TUT4: variants seen among roughly 807,000 people sequenced by gnomAD.
TUT4 encodes terminal uridylyl transferase 4.
TUT4 carries 36 observed loss-of-function variants against 192.2 expected under a neutral mutation model. That is an observed-to-expected ratio of 0.19 (90% CI 0.14 to 0.25). The LOEUF (loss-of-function observed/expected upper bound fraction) is 0.25, where lower values mean the gene tolerates loss of function less well. TUT4 is among the 10% of genes least tolerant of loss of function. TUT4 has a pLI of 1.00. For synonymous variants in TUT4, 618 were observed against 666.0 expected (o/e 0.93, Z 1.11); for missense variants, 1,493 against 1,957.2 (o/e 0.76, Z 4.47).
intron 16 of TUT4, among the ~76,000 whole-genome samples, chr1:52,463,992 G>A (rs1161775314): frequency 6.6e-6 from 1 of 152,130 alleles, no homozygotes; most frequent in Admixed American, 6.6e-5. Context: ...GAAAGAGCAT[G>A]AACTCTGGAG....
chr1:52,423,987 C>A lies in TUT4; in HGVS notation c.4886G>T (p.Arg1629Leu). Residue 1629 changes from arginine (R) to leucine (L), a missense_variant, in exon 30 of 30, where the codon CGT (arginine) becomes CTT (leucine). Coordinates refer to ENST00000257177, the MANE Select transcript of TUT4 (RefSeq NM_001009881.3). ...GTGGGGACAACGCTCTCTACACCGA[C>A]GGGTGGCACATCTGTCTGTTGGATA... ...PFYTQDRCAT[R>L]RCRERCPHPP... 2 of 1,612,126 alleles carry A rather than the reference C, an allele frequency of 1.2e-6. No homozygotes were observed. Among genetic ancestry groups the A allele is most frequent in the Non-Finnish European group, 1.7e-6 (2 of 1,179,170 alleles).
At chr1:52,516,403 T>C (rs1678726588) in intron 2 of TUT4, among the ~76,000 whole-genome samples, 1 of 152,212 alleles carries the variant, frequency 6.6e-6, no homozygotes, top group Non-Finnish European at 1.5e-5. Flanking sequence ...AAAAACTGTT[T>C]GGAGTCCCAC....
At chr1:52,430,379 T>C (rs901976284) in intron 28 of TUT4, among the ~76,000 whole-genome samples, 1 of 151,946 alleles carries the variant, frequency 6.6e-6, no homozygotes, top group African/African-American at 2.4e-5. Context: ...ACCTCCTGGG[T>C]TCAAGCGAGC....
chr1:52,502,288 T>C (rs1228627086), intron 4 of TUT4, among the ~76,000 whole-genome samples: 1 of 152,122 alleles, frequency 6.6e-6, no homozygotes, highest in Admixed American at 6.6e-5. Flanking sequence ...TTGACAGACA[T>C]CCACATTTAA....
intron 14 of TUT4, among the ~76,000 whole-genome samples, chr1:52,469,863 C>T (rs112431060): frequency 2.0e-5 from 3 of 148,130 alleles, no homozygotes; most frequent in African/African-American, 7.5e-5. Context: ...TGCACTCCAG[C>T]CTGGGCGACA....
chr1:52,442,312 T>C (rs921564701), intron 24 of TUT4, among the ~76,000 whole-genome samples: 2 of 152,016 alleles, frequency 1.3e-5, no homozygotes, highest in Admixed American at 1.3e-4. Flanking sequence ...GAAAAATAAC[T>C]GAAAGAACAA....
At chr1:52,452,363 A>C (rs1008922649) in intron 20 of TUT4, among the ~76,000 whole-genome samples, 11 of 152,202 alleles carry the variant, frequency 7.2e-5, no homozygotes, top group African/African-American at 2.2e-4. Context: ...GAATCTCCAA[A>C]GAGAAGTCTT....
chr1:52,506,553 G>A (rs1250352560), intron 4 of TUT4, among the ~76,000 whole-genome samples: 1 of 152,038 alleles, frequency 6.6e-6, no homozygotes, highest in East Asian at 1.9e-4. Context: ...TTATCTTCAA[G>A]AGTTCACTAA....
At position 52,471,008 on chromosome 1, in the gene TUT4, C is replaced by CTTT. The variant is rs771331613; in HGVS notation, c.2878+941_2878+943dup. 7.1e-4 allele frequency among the ~76,000 whole-genome samples: 58 copies of CTTT among 82,154 alleles called. 8 individuals are homozygous for CTTT. Among genetic ancestry groups the CTTT allele is most frequent in the African/African-American group, 3.2e-3 (53 of 16,478 alleles). 53.9% of individuals were successfully genotyped at this position (82,154 alleles called of 152,430 possible). Reference sequence around the variant, plus strand: ...CCCCAAACAAATTATGCACTCTATGCTTTTTTTTTTTTTTTTTTTTTTTTT... The same window carrying CTTT: ...CCCCAAACAAATTATGCACTCTATGCTTTTTTTTTTTTTTTTTTTTTTTTTTTT... On this transcript the variant is annotated intron_variant, in intron 14 of 29. Transcript: ENST00000257177.
At chr1:52,428,690 G>T (rs1010318357) in intron 28 of TUT4, among the ~76,000 whole-genome samples, 2 of 151,212 alleles carry the variant, frequency 1.3e-5, no homozygotes, top group East Asian at 1.9e-4. Context: ...TCAGCTATTC[G>T]GGAGGCAGGA....
intron 29 of TUT4, chr1:52,424,663 T>C (rs974165638): frequency 6.6e-6 from 1 of 152,298 alleles, no homozygotes; most frequent in South Asian, 2.1e-4. Flanking sequence ...GTTTGTAATA[T>C]TCATTACCCA....
intron 24 of TUT4, among the ~76,000 whole-genome samples, chr1:52,441,444 A>ATCTTTTTTTTTTTT (rs1553160600): frequency 8.3e-6 from 1 of 119,982 alleles, no homozygotes; most frequent in African/African-American, 3.7e-5. Context: ...TCTCGGCTAA[A>ATCTTTTTTTTTTTT]TTTTTTTTTT....
chr1:52,441,315 G>C (rs1254107654), intron 24 of TUT4, among the ~76,000 whole-genome samples: 1 of 145,242 alleles, frequency 6.9e-6, no homozygotes, highest in East Asian at 2.0e-4. Flanking sequence ...ACAGAGTGTC[G>C]TTCTGTTGCC....
chr1:52,472,991 T>A (rs1309780707), intron 13 of TUT4, among the ~76,000 whole-genome samples: 3 of 152,128 alleles, frequency 2.0e-5, no homozygotes, highest in Non-Finnish European at 1.5e-5. Context: ...AGAATCTCTA[T>A]CACCTTTTCA....
At chr1:52,526,639 A>G (rs1332055413) in intron 1 of TUT4, among the ~76,000 whole-genome samples, 1 of 152,236 alleles carries the variant, frequency 6.6e-6, no homozygotes, top group African/African-American at 2.4e-5. Context: ...AGGTTGTCTC[A>G]TATTTCTTTA....
chr1:52,526,877 T>C (rs1345403095), intron 1 of TUT4, among the ~76,000 whole-genome samples: 1 of 151,860 alleles, frequency 6.6e-6, no homozygotes, highest in Non-Finnish European at 1.5e-5. Context: ...ATACAAAAAT[T>C]AGCCAGGCAT....
At chr1:52,509,776 A>G (rs945416236) in intron 3 of TUT4, 64 bp from the exon 4 acceptor site, 13 of 897,786 alleles carry the variant, frequency 1.4e-5, no homozygotes, top group Middle Eastern at 2.2e-4. Context: ...TATTGACTAT[A>G]TAAGTGAATA....
At chr1:52,475,674 G>T in intron 12 of TUT4, 139 bp from the exon 13 acceptor site, 2 of 711,030 alleles carry the variant, frequency 2.8e-6, no homozygotes, top group Non-Finnish European at 4.4e-6. Flanking sequence ...GACTCCCAGT[G>T]AAAGTTCCTG....
intron 4 of TUT4, among the ~76,000 whole-genome samples, chr1:52,503,381 G>GA (rs936739485): frequency 6.3e-4 from 93 of 147,758 alleles, no homozygotes; most frequent in African/African-American, 1.4e-3. Context: ...CAAATTAAAA[G>GA]AAAAAAAAAA....
Sources: gnomAD v4.1 joint callset for allele counts (sites outside exome capture counted in the v4.1 genomes callset) on GRCh38, gnomAD v4.1.1 for gene constraint, MANE v1.5 for transcripts, NCBI Gene and HGNC (gene_info 2026-07-23, HGNC 2026-07-21) for gene names.